Variants in PHLPP2 observed in about 807,000 individuals in gnomAD.
The protein encoded by PHLPP2 is PH domain and leucine rich repeat protein phosphatase 2.
PHLPP2 carries 66 observed loss-of-function variants against 124.9 expected under a neutral mutation model. The ratio of observed to expected loss-of-function variants is 0.53; its 90% CI spans 0.43 to 0.65. The LOEUF is 0.65. PHLPP2 is among the 30% of genes least tolerant of loss of function. PHLPP2 has a pLI of 0.00. For synonymous variants in PHLPP2, 681 were observed against 624.7 expected, an observed-to-expected ratio of 1.09 and a Z score of -1.34; for missense variants, 1,685 against 1,600.4, an observed-to-expected ratio of 1.05 and a Z score of -0.90.
chr16:71,714,904 C>A, intron 1 of PHLPP2, 103 bp from the exon 2 acceptor site: 1 of 1,399,800 alleles, frequency 7.1e-7, no homozygotes, highest in Non-Finnish European at 9.5e-7. Context: ...CCCCAACATT[C>A]TGCTCAAGTA....
At chr16:71,695,389 G>T (rs1463338133) in intron 3 of PHLPP2, among the ~76,000 whole-genome samples, 1 of 152,122 alleles carries the variant, frequency 6.6e-6, no homozygotes, top group Non-Finnish European at 1.5e-5. Flanking sequence ...ATGCATACAT[G>T]ATGTCCAATA....
intron 18 of PHLPP2, among the ~76,000 whole-genome samples, chr16:71,651,309 G>A (rs1241549053): frequency 6.6e-6 from 1 of 150,426 alleles, no homozygotes; most frequent in South Asian, 2.1e-4. Context: ...TTGCACTCCA[G>A]CCTAGGCAAT....
intron 11 of PHLPP2, among the ~76,000 whole-genome samples, chr16:71,668,186 C>T: frequency 6.6e-6 from 1 of 151,276 alleles, no homozygotes; most frequent in Non-Finnish European, 1.5e-5. Context: ...CAGAGGCGGG[C>T]AGATCACAAA....
intron 1 of PHLPP2, among the ~76,000 whole-genome samples, chr16:71,718,699 CA>C (rs1025135978): frequency 1.3e-5 from 2 of 151,456 alleles, no homozygotes; most frequent in African/African-American, 2.4e-5. Context: ...AACCGCGTCT[CA>C]AAAAAAATTA....
intron 10 of PHLPP2, among the ~76,000 whole-genome samples, chr16:71,671,230 T>C (rs910386490): frequency 1.3e-5 from 2 of 152,172 alleles, no homozygotes; most frequent in East Asian, 3.9e-4. Context: ...AAAATGATAA[T>C]GATAAAGTAA....
At chr16:71,709,842 T>C (rs1338796177) in intron 2 of PHLPP2, among the ~76,000 whole-genome samples, 1 of 152,148 alleles carries the variant, frequency 6.6e-6, no homozygotes, top group Admixed American at 6.6e-5. Flanking sequence ...TTTTTCTTTT[T>C]CTTTTTTTTC....
At chr16:71,723,770 T>C in intron 1 of PHLPP2, 2 of 1,327,778 alleles carry the variant, frequency 1.5e-6, no homozygotes, top group African/African-American at 1.5e-5. Flanking sequence ...CCTCCTCACC[T>C]TCAGGACCCG....
Position 71,697,204 on chromosome 16 carries a change from AAATAAATAAAT to A in PHLPP2, c.418+5383_418+5393del, listed in dbSNP as rs1256146277. Among the ~76,000 whole-genome samples the A allele has an allele frequency of 2.4e-3, 102 of 42,002 alleles. No homozygotes were observed. In the East Asian group the frequency reaches 0.049, roughly 20 times the overall value. The allele number at this position is 42,002 out of a possible 152,430, so 27.6% of individuals were successfully genotyped here. A position where few individuals can be genotyped will look rare whatever the true frequency, so the allele number is the denominator to read the frequency against. ...TAAATAAATAAATAAATAAATAAATAAATAAATAAATAAAAAGAAACTCAGGGTCTGCAATT... is the reference window on the plus strand; with the variant it reads ...TAAATAAATAAATAAATAAATAAATAAAAAAGAAACTCAGGGTCTGCAATT... On this transcript the variant is annotated intron_variant, in intron 3 of 18. Transcript: ENST00000568954.
chr16:71,694,571 A>G (rs1217855441), intron 3 of PHLPP2, among the ~76,000 whole-genome samples: 6 of 152,216 alleles, frequency 3.9e-5, no homozygotes, highest in African/African-American at 1.4e-4. Flanking sequence ...CTGGAAAAAA[A>G]TTGAGTCACA....
In PHLPP2 at chr16:71,660,639, C is replaced by T. The variant is rs796424934; in HGVS notation, c.1986-1824G>A. ...ATGGATGGTCTCGATCTCCTGACCTCGTGATCTGCCCACCTCGGCCTCCCA... is the reference window on the plus strand; with the variant it reads ...ATGGATGGTCTCGATCTCCTGACCTTGTGATCTGCCCACCTCGGCCTCCCA... On this transcript the variant is annotated intron_variant, in intron 13 of 18. Transcript: ENST00000568954. Among the ~76,000 whole-genome samples the T allele has an allele frequency of 1.7e-4, 26 of 152,010 alleles. 1 individual carries two copies. Among genetic ancestry groups the T allele is most frequent in the African/African-American group, 6.0e-4 (25 of 41,492 alleles).
chr16:71,690,504 C>A lies in PHLPP2; in HGVS notation c.609+15G>T, dbSNP rs375949494. ...GATGATCAAATGAAAAATAATTCAT[C>A]TTTGTGAGTCTTACCTTTCCACCAA... On this transcript the variant is annotated intron_variant, in intron 4 of 18. Transcript: ENST00000568954. The A allele has an allele frequency of 2.7e-5, 42 of 1,528,614 alleles. No individual in the cohort carries two copies. In the Middle Eastern group the frequency reaches 6.4e-4, roughly 23 times the overall value. 94.7% of individuals were successfully genotyped at this position (1,528,614 alleles called of 1,614,324 possible).
At chr16:71,667,962 C>T (rs1049025386) in intron 11 of PHLPP2, among the ~76,000 whole-genome samples, 1 of 152,136 alleles carries the variant, frequency 6.6e-6, no homozygotes, top group African/African-American at 2.4e-5. Context: ...TTCCCTGCCG[C>T]CTTCACCAAG....
At chr16:71,672,440 A>T (rs2044903349) in intron 9 of PHLPP2, 118 bp from the exon 10 acceptor site, 6 of 732,484 alleles carry the variant, frequency 8.2e-6, no homozygotes, top group Middle Eastern at 2.4e-4. Flanking sequence ...TATTCTACCA[A>T]GATGAGCTAA....
chr16:71,675,918 A>G (rs1750181443), intron 9 of PHLPP2, among the ~76,000 whole-genome samples: 1 of 152,030 alleles, frequency 6.6e-6, no homozygotes, highest in Non-Finnish European at 1.5e-5. Flanking sequence ...ATGGGGTTTC[A>G]CCATGTTGCC....
chr16:71,670,780 G>A (rs2044886060), intron 10 of PHLPP2, among the ~76,000 whole-genome samples: 1 of 151,302 alleles, frequency 6.6e-6, no homozygotes, highest in South Asian at 2.1e-4. Flanking sequence ...AACAGTGCAA[G>A]GTCCAGGGCA....
At chr16:71,662,113 C>T (rs1002564651) in intron 13 of PHLPP2, among the ~76,000 whole-genome samples, 2 of 151,832 alleles carry the variant, frequency 1.3e-5, no homozygotes, top group African/African-American at 4.8e-5. Context: ...TGAGCGGCCA[C>T]GCCCGGCCTC....
intron 17 of PHLPP2, among the ~76,000 whole-genome samples, chr16:71,654,196 T>C (rs1596987476): frequency 1.6e-5 from 1 of 61,098 alleles, no homozygotes; most frequent in Admixed American, 2.8e-4. Flanking sequence ...AGACTCCGTC[T>C]CAAAAAAGAA....
chr16:71,652,701 T>G, intron 18 of PHLPP2, 89 bp downstream of exon 18: 1 of 889,410 alleles, frequency 1.1e-6, no homozygotes, highest in Non-Finnish European at 1.8e-6. Context: ...CAGGGCATGA[T>G]AGGAAGAAAA....
intron 3 of PHLPP2, among the ~76,000 whole-genome samples, chr16:71,699,896 T>C (rs1355594024): frequency 1.3e-5 from 2 of 152,224 alleles, no homozygotes. Flanking sequence ...CTCGCTCTCC[T>C]ATGCGCTACA....
Sources: gnomAD v4.1 joint callset for allele counts (sites outside exome capture counted in the v4.1 genomes callset) on GRCh38, gnomAD v4.1.1 for gene constraint, MANE v1.5 for transcripts, NCBI Gene and HGNC (gene_info 2026-07-23, HGNC 2026-07-21) for gene names.